The following CORO7 variants were observed in gnomAD, a reference collection of about 807,000 sequenced individuals.
CORO7 encodes the protein coronin 7.
A neutral mutation model predicts 126.6 loss-of-function variants in CORO7; 107 were observed. That is an observed-to-expected ratio of 0.85 (90% CI 0.72 to 0.99). The LOEUF (loss-of-function observed/expected upper bound fraction) is 0.99, where lower values mean the gene tolerates loss of function less well. Among genes scored for constraint, CORO7 ranks in the 50% least tolerant of loss-of-function variants. The pLI, the probability that CORO7 is intolerant of heterozygous loss-of-function variation, is 0.00. For missense variants in CORO7, 1,314 were observed against 1,255.8 expected (o/e 1.05, Z -0.70); for synonymous variants, 603 against 536.8 (o/e 1.12, Z -1.70).
chr16:4,395,834 C>T (rs746025781), intron 6 of CORO7, among the ~76,000 whole-genome samples: 8 of 152,150 alleles, frequency 5.3e-5, no homozygotes, highest in Non-Finnish European at 7.3e-5. Context: ...ACCAGGAAGA[C>T]GAGCTTACAC....
In CORO7 at chr16:4,407,632, C is replaced by A; in HGVS notation, c.356G>T (p.Gly119Val). 1 of 1,608,982 alleles carries A rather than the reference C, an allele frequency of 6.2e-7. No individual in the cohort carries two copies. The highest frequency in any genetic ancestry group is 2.2e-5 in the East Asian group (1 of 44,728). The change falls in exon 5 of 28, where the codon GGG (glycine) becomes GTG (valine). Residue 119 changes from glycine (G) to valine (V), a missense_variant. Physicochemically the swap from Gly to Val is moderately radical, Grantham distance 109 (BLOSUM62 -3). Coordinates refer to ENST00000251166, the MANE Select transcript of CORO7 (RefSeq NM_024535.5). ...GPGQALPSAP[G>V]VVLGPEDLPV... Reference sequence around the variant, plus strand: ...GAGGTCCTCGGGGCCCAGCACCACCCCGGGTGCTGAGGGCAGGGCCTGGCC... The same window carrying A: ...GAGGTCCTCGGGGCCCAGCACCACCACGGGTGCTGAGGGCAGGGCCTGGCC...
chr16:4,358,029 C>T lies in CORO7; in HGVS notation c.2532G>A (p.Trp844Ter). Residue 844 changes from tryptophan (W) to a stop codon, truncating the protein, a stop_gained, in exon 25 of 28, where the codon TGG becomes TGA. Transcript: ENST00000251166. LOFTEE classifies it high-confidence loss of function. ...IWEPVLSAEAWLQGANGQPWL... is the reference protein window; with the variant it reads ...IWEPVLSAEA Reference sequence around the variant, plus strand: ...AGGGCTGCCCATTAGCGCCTTGCAGCCAGGCCTCGGCACTGAGCACAGGCT... The same window carrying T: ...AGGGCTGCCCATTAGCGCCTTGCAGTCAGGCCTCGGCACTGAGCACAGGCT... 6.2e-7 allele frequency: 1 copy of T among 1,613,194 alleles called. No individual in the cohort carries two copies. The highest frequency in any genetic ancestry group is 8.5e-7 in the Non-Finnish European group (1 of 1,179,542).
intron 3 of CORO7, among the ~76,000 whole-genome samples, chr16:4,411,480 T>C (rs1026403301): frequency 6.6e-6 from 1 of 152,020 alleles, no homozygotes; most frequent in Non-Finnish European, 1.5e-5. Flanking sequence ...CTTGGGAGGA[T>C]TGCTTGAGCC....
At chr16:4,414,021 T>C (rs1052383764) in intron 1 of CORO7, among the ~76,000 whole-genome samples, 4 of 151,252 alleles carry the variant, frequency 2.6e-5, no homozygotes, top group Admixed American at 1.3e-4. Context: ...ACCTTATCTC[T>C]ACTAAAAATA....
intron 7 of CORO7, among the ~76,000 whole-genome samples, chr16:4,394,436 G>A (rs1182894240): frequency 2.0e-5 from 3 of 147,442 alleles, no homozygotes; most frequent in Admixed American, 1.4e-4. Context: ...GCGACAGAGC[G>A]AGACTCCGTC....
intron 9 of CORO7, among the ~76,000 whole-genome samples, chr16:4,378,075 T>A (rs1430813069): frequency 6.6e-6 from 1 of 152,122 alleles, no homozygotes; most frequent in East Asian, 1.9e-4. Flanking sequence ...CCCTCCCCAG[T>A]GCAGGGTGAA....
chr16:4,370,575 C>T (rs2054489032), intron 9 of CORO7, among the ~76,000 whole-genome samples: 1 of 152,260 alleles, frequency 6.6e-6, no homozygotes, highest in Non-Finnish European at 1.5e-5. Flanking sequence ...AAGCCATGCC[C>T]TAATCCATGT....
intron 8 of CORO7, 31 bp from the exon 9 acceptor site, chr16:4,388,099 G>A: frequency 1.3e-6 from 2 of 1,598,656 alleles, no homozygotes; most frequent in Non-Finnish European, 1.7e-6. Flanking sequence ...GGGCTCAGAG[G>A]GGCCTGTCCC....
intron 6 of CORO7, chr16:4,397,272 G>C (rs1348573999): frequency 1.3e-5 from 2 of 151,086 alleles, no homozygotes; most frequent in Non-Finnish European, 2.9e-5. Flanking sequence ...GTGAAACCTC[G>C]TCTCTACCAA....
intron 5 of CORO7, among the ~76,000 whole-genome samples, chr16:4,407,062 C>A (rs1428371524): frequency 6.6e-6 from 1 of 152,042 alleles, no homozygotes; most frequent in African/African-American, 2.4e-5. Flanking sequence ...ATACTCTTGC[C>A]GCAGCCTTCT....
At chr16:4,356,267 TA>T (rs869197282) in intron 26 of CORO7, among the ~76,000 whole-genome samples, 1 of 151,984 alleles carries the variant, frequency 6.6e-6, no homozygotes, top group South Asian at 2.1e-4. Flanking sequence ...CTGGTTAATT[TA>T]AAAAATTTTT....
At chr16:4,402,008 G>A (rs762460037) in intron 6 of CORO7, among the ~76,000 whole-genome samples, 3 of 145,438 alleles carry the variant, frequency 2.1e-5, no homozygotes, top group Non-Finnish European at 4.5e-5. Flanking sequence ...GTGTGATCTC[G>A]GCTCACCGCA....
At chr16:4,390,601 G>T (rs764358726) in intron 7 of CORO7, among the ~76,000 whole-genome samples, 1 of 152,140 alleles carries the variant, frequency 6.6e-6, no homozygotes, top group Non-Finnish European at 1.5e-5. Context: ...GCGGAGGCTG[G>T]GCCAAGCCTG....
At chr16:4,356,867 T>C (rs972185588) in intron 26 of CORO7, 8 of 440,126 alleles carry the variant, frequency 1.8e-5, no homozygotes, top group East Asian at 1.4e-4. Context: ...CTACTATCTC[T>C]GCACATGGCC....
rs770803805 is a variant in CORO7, at chr16:4,395,320, A to T, written c.584T>A (p.Phe195Tyr). 6.2e-6 allele frequency: 10 copies of T among 1,613,950 alleles called. No individual in the cohort carries two copies. In the South Asian group the frequency reaches 1.1e-4, roughly 18 times the overall value. ...GGCCCGCGGCTTTGTTCTGGGGTCA[A>T]AGATCCGCAGCTGCTTGTCCTGGAA... The part of the protein sequence containing the change: ...TACKDKQLRI[F>Y]DPRTKPRASQ... The change falls in exon 7 of 28, where the codon TTT becomes TAT. Residue 195 changes from phenylalanine to tyrosine, a missense_variant. Phe to Tyr is a conservative substitution (Grantham distance 22). Coordinates refer to ENST00000251166, the MANE Select transcript of CORO7 (RefSeq NM_024535.5).
intron 9 of CORO7, among the ~76,000 whole-genome samples, chr16:4,378,708 G>T (rs1256141248): frequency 6.6e-6 from 1 of 152,044 alleles, no homozygotes; most frequent in Non-Finnish European, 1.5e-5. Flanking sequence ...AGGCCCTCCT[G>T]GGCTGTTCAC....
intron 7 of CORO7, among the ~76,000 whole-genome samples, chr16:4,390,323 CTGAAGGACCTACTTT>C (rs1286823527): frequency 3.3e-5 from 5 of 152,034 alleles, no homozygotes; most frequent in Non-Finnish European, 5.9e-5. Flanking sequence ...TCCTATGGTG[CTGAAGGACCTACTTT>C]TGAAGACGGC....
intron 9 of CORO7, chr16:4,382,388 C>T: frequency 1.9e-6 from 3 of 1,612,238 alleles, no homozygotes; most frequent in Non-Finnish European, 2.5e-6. Context: ...CTATCGGGCC[C>T]TGATAAGCGG....
intron 6 of CORO7, among the ~76,000 whole-genome samples, chr16:4,399,410 A>T (rs2055719726): frequency 6.6e-6 from 1 of 152,226 alleles, no homozygotes; most frequent in Admixed American, 6.5e-5. Flanking sequence ...GATTCCACTT[A>T]TGTGGGGCAT....
Sources: gnomAD v4.1 joint callset for allele counts (sites outside exome capture counted in the v4.1 genomes callset) on GRCh38, gnomAD v4.1.1 for gene constraint, MANE v1.5 for transcripts, NCBI Gene and HGNC (gene_info 2026-07-23, HGNC 2026-07-21) for gene names.